Variants in THUMPD2 observed in about 807,000 individuals in gnomAD.
THUMPD2 encodes THUMP domain 2 tRNA and snRNA guanosine methyltransferase, also known as U6 snRNA (guanine-N(2))-methyltransferase THUMPD2.
THUMPD2 carries 56 observed loss-of-function variants against 49.4 expected under a neutral mutation model. The observed-to-expected ratio is 1.13, with a 90% CI of 0.91 to 1.41. The LOEUF (loss-of-function observed/expected upper bound fraction) is 1.41. Among genes scored for constraint, THUMPD2 ranks in the 40% most tolerant of loss-of-function variants. The pLI is 0.00. For synonymous variants in THUMPD2, 237 were observed against 205.2 expected, an observed-to-expected ratio of 1.15 and a Z score of -1.32; for missense variants, 709 against 594.5, an observed-to-expected ratio of 1.19 and a Z score of -2.00.
chr2:39,753,364 C>T (rs375549592), intron 8 of THUMPD2, among the ~76,000 whole-genome samples: 2 of 152,152 alleles, frequency 1.3e-5, no homozygotes, highest in African/African-American at 4.8e-5. Context: ...TCTTACATCA[C>T]CAGCTGTTCC....
chr2:39,769,160 ATGGTATCAGGATTTC>A, intron 3 of THUMPD2: 1 of 1,169,760 alleles, frequency 8.5e-7, no homozygotes, highest in Non-Finnish European at 1.1e-6. Context: ...GCTGAGGACT[ATGGTATCAGGATTTC>A]CAAATACAAA....
At chr2:39,763,302 A>G (rs557536556) in intron 5 of THUMPD2, among the ~76,000 whole-genome samples, 99 of 152,174 alleles carry the variant, frequency 6.5e-4, no homozygotes, top group African/African-American at 2.4e-3. Flanking sequence ...TATGTGGAAG[A>G]TAAGTAGTGC....
intron 9 of THUMPD2, among the ~76,000 whole-genome samples, chr2:39,740,474 C>T (rs963186550): frequency 2.6e-5 from 4 of 152,150 alleles, no homozygotes; most frequent in Non-Finnish European, 4.4e-5. Context: ...CCTAACAGGA[C>T]AGTCACCATT....
At chr2:39,768,836 T>G in intron 3 of THUMPD2, 1 of 1,156,102 alleles carries the variant, frequency 8.6e-7, no homozygotes, top group Middle Eastern at 2.6e-4. Flanking sequence ...GCTGAAAGAT[T>G]AACTATGTCA....
chr2:39,739,380 A>ATTC (rs1197048096), intron 9 of THUMPD2, among the ~76,000 whole-genome samples: 1 of 152,106 alleles, frequency 6.6e-6, no homozygotes, highest in East Asian at 1.9e-4. Context: ...TTTATCACTC[A>ATTC]TTCTTATCAC....
chr2:39,755,604 G>A (rs1675994425), intron 7 of THUMPD2, among the ~76,000 whole-genome samples, 195 bp from the exon 8 acceptor site: 1 of 152,118 alleles, frequency 6.6e-6, no homozygotes, highest in African/African-American at 2.4e-5. Flanking sequence ...TTAAAAATCT[G>A]TTAACATTTA....
intron 9 of THUMPD2, among the ~76,000 whole-genome samples, chr2:39,737,303 T>C (rs1274410955): frequency 6.6e-6 from 1 of 152,212 alleles, no homozygotes; most frequent in Non-Finnish European, 1.5e-5. Context: ...CAAAGTAATT[T>C]GTAGTCACGG....
intron 6 of THUMPD2, among the ~76,000 whole-genome samples, chr2:39,759,876 A>G (rs1676591700): frequency 6.6e-6 from 1 of 152,222 alleles, no homozygotes; most frequent in Non-Finnish European, 1.5e-5. Context: ...TATATCGTTT[A>G]AATACCACAT....
rs1558536783 is a variant in THUMPD2, at chr2:39,770,263, G to C, written c.263-144C>G. ...ACGAATAACTTCACTTTCATTTGGA[G>C]TTCATATTCCATTTACCATAAGAAT... On this transcript the variant is annotated intron_variant, in intron 2 of 9. Transcript: ENST00000505747. 25 of 568,964 alleles carry C rather than the reference G, an allele frequency of 4.4e-5. No homozygotes were observed. In the South Asian group the frequency reaches 1.1e-3, roughly 25 times the overall value. The allele number at this position is 568,964 out of a possible 1,614,324, so 35.2% of individuals were successfully genotyped here.
At chr2:39,757,706 TACA>T in intron 6 of THUMPD2, among the ~76,000 whole-genome samples, 1 of 152,366 alleles carries the variant, frequency 6.6e-6, no homozygotes, top group East Asian at 1.9e-4. Flanking sequence ...TCTGTATACT[TACA>T]ACAACAATTA....
chr2:39,761,956 C>T (rs896690384), intron 5 of THUMPD2, among the ~76,000 whole-genome samples: 4 of 152,074 alleles, frequency 2.6e-5, no homozygotes, highest in African/African-American at 9.7e-5. Flanking sequence ...GGATGATGGG[C>T]CAAAGCAGAC....
At chr2:39,759,976 G>C (rs991152611) in intron 6 of THUMPD2, among the ~76,000 whole-genome samples, 1 of 152,170 alleles carries the variant, frequency 6.6e-6, no homozygotes, top group African/African-American at 2.4e-5. Flanking sequence ...GAGAAGAAGA[G>C]AAATGGCAAA....
intron 8 of THUMPD2, among the ~76,000 whole-genome samples, chr2:39,749,386 A>C (rs1675078244): frequency 6.6e-6 from 1 of 152,242 alleles, no homozygotes; most frequent in Non-Finnish European, 1.5e-5. Context: ...GTCTTCTGCT[A>C]ATGAAGCCAG....
intron 8 of THUMPD2, among the ~76,000 whole-genome samples, chr2:39,753,020 T>C (rs1675623443): frequency 6.6e-6 from 1 of 152,294 alleles, no homozygotes; most frequent in Non-Finnish European, 1.5e-5. Flanking sequence ...TCCTCCGTCA[T>C]GCCAAATTCC....
At chr2:39,771,057 G>A (rs577627758) in intron 2 of THUMPD2, among the ~76,000 whole-genome samples, 80 of 151,970 alleles carry the variant, frequency 5.3e-4, no homozygotes, top group African/African-American at 1.6e-3. Flanking sequence ...TAAGTTTATC[G>A]AAAACATTTA....
chr2:39,757,917 C>CT (rs60978140), intron 6 of THUMPD2, among the ~76,000 whole-genome samples: 3,121 of 152,204 alleles, frequency 0.021, 115 homozygotes, highest in African/African-American at 0.071. Context: ...ATACTGGGGT[C>CT]ACTTAGATTG....
chr2:39,757,625 T>C (rs1676312190), intron 6 of THUMPD2, among the ~76,000 whole-genome samples: 1 of 152,212 alleles, frequency 6.6e-6, no homozygotes, highest in African/African-American at 2.4e-5. Flanking sequence ...TATCTTTAGA[T>C]GGCTTTACTT....
intron 8 of THUMPD2, among the ~76,000 whole-genome samples, chr2:39,753,038 C>T (rs890693670): frequency 6.6e-6 from 1 of 152,134 alleles, no homozygotes; most frequent in African/African-American, 2.4e-5. Context: ...TCCTCCTTTT[C>T]ATTTGATCTT....
intron 3 of THUMPD2, 49 bp from the exon 4 acceptor site, chr2:39,768,550 A>T: frequency 6.7e-7 from 1 of 1,485,576 alleles, no homozygotes; most frequent in Non-Finnish European, 9.3e-7. Flanking sequence ...TGAAAATTTT[A>T]AGTTTAAATG....
Sources: allele counts gnomAD v4.1 joint callset (sites outside exome capture counted in the v4.1 genomes callset), GRCh38; gene constraint gnomAD v4.1.1; transcripts MANE v1.5; gene names NCBI Gene and HGNC (gene_info 2026-07-23, HGNC 2026-07-21).